Variants in CXCL13 observed in about 807,000 individuals in gnomAD.
CXCL13 encodes the protein C-X-C motif chemokine 13.
CXCL13 carries 7 observed loss-of-function variants against 12.2 expected under a neutral mutation model. The observed-to-expected ratio is 0.57, with a 90% confidence interval of 0.33 to 1.07. The LOEUF (loss-of-function observed/expected upper bound fraction) is 1.07. Among genes scored for constraint, CXCL13 ranks in the 50% least tolerant of loss-of-function variants. The probability of loss-of-function intolerance (pLI) is 0.04; values close to 1 mark genes in which losing one functional copy is unlikely to be tolerated. For synonymous variants in CXCL13, 47 were observed against 42.4 expected, an observed-to-expected ratio of 1.11 and a Z score of -0.42; for missense variants, 113 against 127.4, an observed-to-expected ratio of 0.89 and a Z score of 0.55.
intron 1 of CXCL13, 97 bp downstream of exon 1, chr4:77,606,026 T>A: frequency 1.3e-6 from 1 of 757,432 alleles, no homozygotes; most frequent in Non-Finnish European, 2.1e-6. Flanking sequence ...GAAGTCTGAC[T>A]AAAGGGGGAA....
At chr4:77,563,063 G>T (rs1256292186) in intron 1 of CXCL13, among the ~76,000 whole-genome samples, 2 of 152,120 alleles carry the variant, frequency 1.3e-5, no homozygotes, top group Non-Finnish European at 2.9e-5. Flanking sequence ...TTTATGAGCT[G>T]TAACACTCAC....
rs1033552560 is a variant in CXCL13, at chr4:77,532,911, C to T, written c.-43+21123C>T. Among the ~76,000 whole-genome samples the T allele has an allele frequency of 6.8e-4, 104 of 152,112 alleles. 2 individuals are homozygous for T. The highest frequency in any genetic ancestry group is 1.6e-4 in the Non-Finnish European group (11 of 68,010). On this transcript the variant is annotated intron_variant, in intron 1 of 4. Transcript: ENST00000286758. ...TTCAGCTCCTTTAAGGAGTTCTCTGCATTGATTATTCTAGTTTGCCATTCA... is the reference window on the plus strand; with the variant it reads ...TTCAGCTCCTTTAAGGAGTTCTCTGTATTGATTATTCTAGTTTGCCATTCA...
chr4:77,545,962 T>A (rs536268939), intron 1 of CXCL13, among the ~76,000 whole-genome samples: 38 of 152,338 alleles, frequency 2.5e-4, no homozygotes, highest in African/African-American at 8.7e-4. Context: ...AGCGAAGGGC[T>A]GTTGAATTTT....
chr4:77,589,315 A>G (rs1013209280), intron 1 of CXCL13, among the ~76,000 whole-genome samples: 1 of 152,172 alleles, frequency 6.6e-6, no homozygotes, highest in Non-Finnish European at 1.5e-5. Flanking sequence ...TGTCCAGCAC[A>G]TCCACACCAT....
intron 1 of CXCL13, among the ~76,000 whole-genome samples, chr4:77,525,053 C>T (rs1437491562): frequency 1.7e-4 from 26 of 152,186 alleles, no homozygotes; most frequent in Admixed American, 1.7e-3. Flanking sequence ...GTGTAGTTAT[C>T]ACAGGAGTGG....
chr4:77,589,083 T>A (rs1560534622), intron 1 of CXCL13, among the ~76,000 whole-genome samples: 1 of 152,240 alleles, frequency 6.6e-6, no homozygotes, highest in Non-Finnish European at 1.5e-5. Flanking sequence ...CTTCCTTTGA[T>A]ATTGGGCAGA....
Position 77,611,296 on chromosome 4 carries a change from A to G in CXCL13, c.*257A>G, listed in dbSNP as rs1426599949. 9.9e-6 allele frequency: 4 copies of G among 403,116 alleles called. No individual in the cohort carries two copies. In the East Asian group the frequency reaches 1.4e-4, roughly 15 times the overall value. The allele number at this position is 403,116 out of a possible 1,614,324, so 25.0% of individuals were successfully genotyped here. A position where few individuals can be genotyped will look rare whatever the true frequency, so the allele number is the denominator to read the frequency against. ...CTTTGAAAATAGTTATTCAGTTATA[A>G]GTAATACAGGATTATTTTGATTATA... On this transcript the variant is annotated 3_prime_UTR_variant, in exon 4 of 4. Transcript: ENST00000682537.
intron 1 of CXCL13, among the ~76,000 whole-genome samples, chr4:77,512,962 T>A (rs1253755152): frequency 6.6e-6 from 1 of 152,120 alleles, no homozygotes; most frequent in Non-Finnish European, 1.5e-5. Flanking sequence ...CAGTTTGTGA[T>A]GTTCCCCATC....
In CXCL13 at chr4:77,547,238, T is replaced by C. The variant is rs900238924; in HGVS notation, c.-43+35450T>C. ...TCTGTTGGAGCATTCTGTAGATGTC[T>C]GTTAGGTCTGCTTGGTGCAGAGCTG... On this transcript the variant is annotated intron_variant, in intron 1 of 4. Transcript: ENST00000286758. 5.3e-5 allele frequency among the ~76,000 whole-genome samples: 8 copies of C among 152,374 alleles called. No homozygotes were observed. The East Asian group carries it at 1.5e-3, about 29-fold the overall frequency.
chr4:77,594,247 A>G (rs1001879152), intron 1 of CXCL13, among the ~76,000 whole-genome samples: 2 of 152,092 alleles, frequency 1.3e-5, no homozygotes, highest in African/African-American at 4.8e-5. Context: ...CTCTTAGCCA[A>G]CTTGCTTCAA....
At chr4:77,546,475 G>T (rs1206979539) in intron 1 of CXCL13, among the ~76,000 whole-genome samples, 2 of 152,092 alleles carry the variant, frequency 1.3e-5, no homozygotes, top group African/African-American at 4.8e-5. Context: ...TTTAGTCTTG[G>T]GAGGGTGTAT....
chr4:77,551,126 C>T (rs1560523466), intron 1 of CXCL13, among the ~76,000 whole-genome samples: 1 of 152,150 alleles, frequency 6.6e-6, no homozygotes, highest in Non-Finnish European at 1.5e-5. Context: ...CATTTACATT[C>T]AAAGTTAACA....
At chr4:77,529,499 C>T (rs1456276370) in intron 1 of CXCL13, among the ~76,000 whole-genome samples, 6 of 152,086 alleles carry the variant, frequency 3.9e-5, no homozygotes, top group African/African-American at 1.4e-4. Flanking sequence ...CTTCACATCC[C>T]TTGTAAGTTG....
chr4:77,548,508 C>T (rs1725430829), intron 1 of CXCL13, among the ~76,000 whole-genome samples: 1 of 152,212 alleles, frequency 6.6e-6, no homozygotes, highest in Non-Finnish European at 1.5e-5. Context: ...GGGAGCAATA[C>T]TGTGGCTATC....
intron 1 of CXCL13, among the ~76,000 whole-genome samples, chr4:77,591,228 A>C (rs1457784544): frequency 1.3e-5 from 2 of 152,118 alleles, no homozygotes; most frequent in Non-Finnish European, 2.9e-5. Flanking sequence ...CTATATACAC[A>C]TACTAATTAT....
intron 1 of CXCL13, among the ~76,000 whole-genome samples, chr4:77,548,146 G>A (rs1161455447): frequency 6.6e-6 from 1 of 152,146 alleles, no homozygotes; most frequent in Non-Finnish European, 1.5e-5. Context: ...TTACATTATT[G>A]CACTTGGATG....
chr4:77,579,912 T>G (rs936777887), intron 1 of CXCL13, among the ~76,000 whole-genome samples: 7 of 152,188 alleles, frequency 4.6e-5, no homozygotes, highest in Non-Finnish European at 7.4e-5. Context: ...GGTAACATCC[T>G]GAAAAATAGC....
At chr4:77,605,420 C>T (rs991603204), upstream of CXCL13, among the ~76,000 whole-genome samples, 3 of 152,168 alleles carry the variant, frequency 2.0e-5, no homozygotes, top group South Asian at 4.1e-4. Flanking sequence ...ATGCTAGGGA[C>T]GTGATGCGCT....
At chr4:77,571,091 G>A (rs538295725) in intron 1 of CXCL13, among the ~76,000 whole-genome samples, 26 of 152,134 alleles carry the variant, frequency 1.7e-4, no homozygotes, top group African/African-American at 3.9e-4. Flanking sequence ...CTGCAGCCCC[G>A]GTGTGGGATC....
Sources: gnomAD v4.1 joint callset for allele counts (sites outside exome capture counted in the v4.1 genomes callset) on GRCh38, gnomAD v4.1.1 for gene constraint, MANE v1.5 for transcripts, NCBI Gene and HGNC (gene_info 2026-07-23, HGNC 2026-07-21) for gene names.